Variants in AUTS2 observed in about 807,000 individuals in gnomAD.
AUTS2 encodes the protein autism susceptibility gene 2 protein.
In AUTS2, 17 loss-of-function variants were observed where a neutral mutation model predicts 112.4. The observed-to-expected ratio is 0.15, with a 90% CI of 0.10 to 0.23. The LOEUF is 0.23. AUTS2 is among the 10% of genes least tolerant of loss of function. The probability of loss-of-function intolerance (pLI) is 1.00; values close to 1 mark genes in which losing one functional copy is unlikely to be tolerated. For missense variants in AUTS2, 1,510 were observed against 1,701.6 expected, an observed-to-expected ratio of 0.89 and a Z score of 1.98; for synonymous variants, 751 against 702.7, an observed-to-expected ratio of 1.07 and a Z score of -1.09.
chr7:69,717,595 A>T (rs1798683081), intron 1 of AUTS2, among the ~76,000 whole-genome samples: 1 of 152,222 alleles, frequency 6.6e-6, no homozygotes, highest in Non-Finnish European at 1.5e-5. Context: ...GAAAGGAAAA[A>T]AAATTTTTTT....
intron 4 of AUTS2, among the ~76,000 whole-genome samples, chr7:70,181,587 A>C (rs781541286): frequency 1.3e-5 from 2 of 151,140 alleles, no homozygotes; most frequent in South Asian, 4.2e-4. Flanking sequence ...TCCTGGGTTC[A>C]AGGATTCTCC....
intron 1 of AUTS2, among the ~76,000 whole-genome samples, chr7:69,774,906 G>C (rs936610176): frequency 5.3e-5 from 8 of 152,154 alleles, no homozygotes; most frequent in African/African-American, 1.9e-4. Flanking sequence ...ACCTAGGCTA[G>C]TTGAGAATTC....
intron 5 of AUTS2, among the ~76,000 whole-genome samples, chr7:70,652,287 C>A (rs1806547465): frequency 6.6e-6 from 1 of 152,090 alleles, no homozygotes; most frequent in South Asian, 2.1e-4. Context: ...CAGCATAATA[C>A]CCTGCCTTCC....
At position 69,651,788 on chromosome 7, in the gene AUTS2, A is replaced by C. The variant is rs545936948; in HGVS notation, c.309+51826A>C. Among the ~76,000 whole-genome samples, 7 of 152,350 alleles carry C rather than the reference A, an allele frequency of 4.6e-5. No individual in the cohort carries two copies. The East Asian group carries it at 1.3e-3, about 29-fold the overall frequency. ...TCATTCAATTAGAATTTAAGTGTCAAATGGATGGTAAAATCATTTCTTAGC... is the reference window on the plus strand; with the variant it reads ...TCATTCAATTAGAATTTAAGTGTCACATGGATGGTAAAATCATTTCTTAGC... On this transcript the variant is annotated intron_variant, in intron 1 of 18. Transcript: ENST00000342771.
At chr7:69,996,424 G>T (rs1425255681) in intron 2 of AUTS2, among the ~76,000 whole-genome samples, 3 of 152,156 alleles carry the variant, frequency 2.0e-5, no homozygotes, top group Non-Finnish European at 4.4e-5. Context: ...TTCCTTGCAG[G>T]CCTGTTGGGA....
At chr7:70,472,736 A>G (rs1797440342) in intron 5 of AUTS2, among the ~76,000 whole-genome samples, 1 of 152,198 alleles carries the variant, frequency 6.6e-6, no homozygotes, top group Non-Finnish European at 1.5e-5. Flanking sequence ...TATTTGAAGA[A>G]AAACATTAGT....
intron 1 of AUTS2, among the ~76,000 whole-genome samples, chr7:69,770,798 T>C (rs2129297990): frequency 6.6e-6 from 1 of 152,208 alleles, no homozygotes; most frequent in African/African-American, 2.4e-5. Flanking sequence ...CGCTTGCTTT[T>C]TTTCCCCCCT....
At chr7:70,219,578 T>C (rs1295913651) in intron 4 of AUTS2, among the ~76,000 whole-genome samples, 1 of 151,156 alleles carries the variant, frequency 6.6e-6, no homozygotes, top group Admixed American at 6.6e-5. Context: ...TTTTCCTTTT[T>C]TTTTTTTTTT....
Position 70,763,271 on chromosome 7 carries a change from C to T in AUTS2, c.1144C>T (p.Pro382Ser), listed in dbSNP as rs185603000. Residue 382 changes from proline (P) to serine (S), a missense_variant, in exon 7 of 19, where the codon CCC (proline) becomes TCC (serine). Pro to Ser is a moderately conservative substitution (Grantham distance 74). Coordinates refer to ENST00000342771, the MANE Select transcript of AUTS2 (RefSeq NM_015570.4). ...HQNLPPVQAH[P>S]SAQSLSQPLS... is the part of the protein sequence containing the mutation. ...GAACCTCCCACCTGTGCAGGCCCACCCCTCTGCTCAGAGCCTCTCCCAGCC... is the reference window on the plus strand; with the variant it reads ...GAACCTCCCACCTGTGCAGGCCCACTCCTCTGCTCAGAGCCTCTCCCAGCC... 3.7e-6 allele frequency: 6 copies of T among 1,612,386 alleles called. No individual in the cohort carries two copies. The highest frequency in any genetic ancestry group is 2.2e-5 in the East Asian group (1 of 44,846).
chr7:69,898,445 G>C (rs1794841890), intron 1 of AUTS2, among the ~76,000 whole-genome samples: 1 of 152,136 alleles, frequency 6.6e-6, no homozygotes, highest in South Asian at 2.1e-4. Flanking sequence ...TCTCAGAGTT[G>C]TAGTGACTTA....
At chr7:70,646,344 C>T (rs909289094) in intron 5 of AUTS2, among the ~76,000 whole-genome samples, 1 of 152,194 alleles carries the variant, frequency 6.6e-6, no homozygotes, top group African/African-American at 2.4e-5. Context: ...GGGGCCATTT[C>T]CCTCTCTGCC....
intron 5 of AUTS2, among the ~76,000 whole-genome samples, chr7:70,438,133 G>A (rs2130898371): frequency 6.6e-6 from 1 of 152,084 alleles, no homozygotes; most frequent in South Asian, 2.1e-4. Context: ...GGGATCTGGG[G>A]GCCAATACTG....
intron 2 of AUTS2, among the ~76,000 whole-genome samples, chr7:69,938,673 G>A (rs2129544724): frequency 6.6e-6 from 1 of 152,336 alleles, no homozygotes; most frequent in East Asian, 1.9e-4. Flanking sequence ...AGTGCAATGA[G>A]CAGAGAGGGG....
intron 5 of AUTS2, among the ~76,000 whole-genome samples, chr7:70,639,062 A>G (rs969372329): frequency 1.3e-5 from 2 of 152,198 alleles, no homozygotes; most frequent in Non-Finnish European, 2.9e-5. Context: ...TTTAAAATCC[A>G]TAACTCTTAC....
intron 1 of AUTS2, among the ~76,000 whole-genome samples, chr7:69,689,934 C>T (rs1000021958): frequency 6.6e-6 from 1 of 151,470 alleles, no homozygotes; most frequent in Non-Finnish European, 1.5e-5. Context: ...CTCAGGTAAT[C>T]TGCCTGCCTT....
intron 4 of AUTS2, among the ~76,000 whole-genome samples, chr7:70,351,065 T>C (rs987530069): frequency 2.6e-5 from 4 of 151,626 alleles, no homozygotes; most frequent in Non-Finnish European, 5.9e-5. Flanking sequence ...TTTTTTTTTT[T>C]TTTTAGATGG....
intron 2 of AUTS2, among the ~76,000 whole-genome samples, chr7:70,045,859 C>A (rs1260121122): frequency 6.7e-6 from 1 of 149,422 alleles, no homozygotes; most frequent in East Asian, 2.0e-4. Flanking sequence ...AACTCCTGAC[C>A]TCATGATCCG....
intron 2 of AUTS2, among the ~76,000 whole-genome samples, chr7:70,057,385 C>T (rs896774403): frequency 6.6e-6 from 1 of 152,122 alleles, no homozygotes; most frequent in Non-Finnish European, 1.5e-5. Flanking sequence ...TGCCGGCTGA[C>T]CGGACTGGTA....
At chr7:69,961,081 T>C (rs1797411003) in intron 2 of AUTS2, among the ~76,000 whole-genome samples, 1 of 152,144 alleles carries the variant, frequency 6.6e-6, no homozygotes, top group African/African-American at 2.4e-5. Flanking sequence ...TTGCTGTCCA[T>C]GTGTTCGCTA....
Sources: gnomAD v4.1 joint callset for allele counts (sites outside exome capture counted in the v4.1 genomes callset) on GRCh38, gnomAD v4.1.1 for gene constraint, MANE v1.5 for transcripts, NCBI Gene and HGNC (gene_info 2026-07-23, HGNC 2026-07-21) for gene names.